Variants in SCFD2 observed in about 807,000 individuals in gnomAD.
SCFD2 encodes the protein sec1 family domain-containing protein 2.
Under a neutral mutation model 58.9 loss-of-function variants are expected in SCFD2, and 54 were observed. The observed-to-expected ratio is 0.92, with a 90% CI of 0.74 to 1.15. The LOEUF is 1.15. Among genes scored for constraint, SCFD2 ranks in the 50% most tolerant of loss-of-function variants. SCFD2 has a pLI of 0.00. For missense variants in SCFD2, 805 were observed against 836.6 expected, an observed-to-expected ratio of 0.96 and a Z score of 0.47; for synonymous variants, 321 against 335.9, an observed-to-expected ratio of 0.96 and a Z score of 0.49.
chr4:52,905,606 A>T (rs1341975725), intron 7 of SCFD2, among the ~76,000 whole-genome samples: 1 of 152,164 alleles, frequency 6.6e-6, no homozygotes, highest in East Asian at 1.9e-4. Context: ...CCTCCCTTTG[A>T]GATCAGTCTT....
chr4:53,016,140 A>C (rs1230082195), intron 5 of SCFD2, among the ~76,000 whole-genome samples: 2 of 152,246 alleles, frequency 1.3e-5, no homozygotes, highest in East Asian at 1.9e-4. Context: ...TTAACCACCA[A>C]CAACAAATGA....
At chr4:53,025,004 A>G (rs187376656) in intron 5 of SCFD2, among the ~76,000 whole-genome samples, 42 of 152,308 alleles carry the variant, frequency 2.8e-4, no homozygotes, top group African/African-American at 9.4e-4. Flanking sequence ...CTATTCACAG[A>G]TAAACAGGGC....
intron 5 of SCFD2, among the ~76,000 whole-genome samples, chr4:53,064,510 G>C (rs563671680): frequency 2.6e-5 from 4 of 152,072 alleles, no homozygotes; most frequent in Non-Finnish European, 4.4e-5. Context: ...CAAAACTACA[G>C]GCAGCATTAC....
intron 5 of SCFD2, among the ~76,000 whole-genome samples, chr4:53,077,209 C>G (rs947792943): frequency 3.9e-5 from 6 of 152,132 alleles, no homozygotes; most frequent in Non-Finnish European, 7.3e-5. Context: ...TCCATTTGAT[C>G]AGCGCATTCA....
At chr4:52,988,015 C>A (rs1721537342) in intron 5 of SCFD2, among the ~76,000 whole-genome samples, 1 of 152,188 alleles carries the variant, frequency 6.6e-6, no homozygotes, top group South Asian at 2.1e-4. Flanking sequence ...GACACCAGCT[C>A]ATTACAGTGT....
At chr4:52,888,131 C>T (rs1195241062) in intron 7 of SCFD2, among the ~76,000 whole-genome samples, 1 of 151,944 alleles carries the variant, frequency 6.6e-6, no homozygotes, top group African/African-American at 2.4e-5. Context: ...AGGATGGTCT[C>T]GATCTCCTGA....
At chr4:52,923,811 C>T (rs1229449497) in intron 5 of SCFD2, among the ~76,000 whole-genome samples, 2 of 152,226 alleles carry the variant, frequency 1.3e-5, no homozygotes, top group Non-Finnish European at 2.9e-5. Flanking sequence ...GTTGGCATCA[C>T]ACTTCAGTTG....
At chr4:53,362,564 A>G (rs1734575322) in intron 1 of SCFD2, among the ~76,000 whole-genome samples, 3 of 152,218 alleles carry the variant, frequency 2.0e-5, no homozygotes, top group Non-Finnish European at 4.4e-5. Context: ...AATAAAACAA[A>G]GGAAGTTTCT....
intron 5 of SCFD2, among the ~76,000 whole-genome samples, chr4:53,036,327 T>C (rs920337628): frequency 2.6e-5 from 4 of 151,672 alleles, no homozygotes; most frequent in African/African-American, 9.7e-5. Context: ...TCTGTCCTTG[T>C]GATAGTTTGC....
rs184727547 is a variant in SCFD2 at position 52,889,119 on chromosome 4, C to T, written c.1843-3253G>A. Among the ~76,000 whole-genome samples the T allele has an allele frequency of 2.6e-5, 4 of 152,342 alleles. No individual in the cohort carries two copies. The East Asian group carries it at 5.8e-4, about 22-fold the overall frequency. On this transcript the variant is annotated intron_variant, in intron 7 of 8. Transcript: ENST00000401642. ...CATTCTACCTACTTAAGGTTATCAA[C>T]ATCTCCTTGATTACTTCCACATTAG...
chr4:52,972,236 G>T (rs1210856259), intron 5 of SCFD2, among the ~76,000 whole-genome samples: 2 of 152,186 alleles, frequency 1.3e-5, no homozygotes, highest in Non-Finnish European at 1.5e-5. Context: ...CGGATAAAGA[G>T]TCAAGACCCA....
chr4:53,260,380 T>G (rs1206490673), intron 4 of SCFD2, among the ~76,000 whole-genome samples: 1 of 152,136 alleles, frequency 6.6e-6, no homozygotes, highest in Non-Finnish European at 1.5e-5. Flanking sequence ...ATGGACAACC[T>G]TTATTACCTT....
At chr4:53,065,682 AT>A (rs1051933695) in intron 5 of SCFD2, among the ~76,000 whole-genome samples, 17 of 151,934 alleles carry the variant, frequency 1.1e-4, no homozygotes, top group African/African-American at 3.1e-4. Flanking sequence ...AAAAATGATA[AT>A]TTTTTTCCCA....
chr4:53,019,436 G>C (rs558417113), intron 5 of SCFD2, among the ~76,000 whole-genome samples: 170 of 152,256 alleles, frequency 1.1e-3, no homozygotes, highest in South Asian at 1.9e-3. Flanking sequence ...ACTAGATGGT[G>C]AGAATAAATT....
chr4:53,094,137 G>A (rs1380990580), intron 5 of SCFD2, among the ~76,000 whole-genome samples: 1 of 152,068 alleles, frequency 6.6e-6, no homozygotes, highest in Non-Finnish European at 1.5e-5. Flanking sequence ...CCTAACTGGT[G>A]AATGGAATTG....
chr4:52,898,461 T>C (rs939038156), intron 7 of SCFD2, among the ~76,000 whole-genome samples: 5 of 152,154 alleles, frequency 3.3e-5, no homozygotes, highest in African/African-American at 1.2e-4. Flanking sequence ...AGCTGAGCGG[T>C]TTTGAGTGAG....
At chr4:53,295,721 C>T (rs888835559) in intron 3 of SCFD2, among the ~76,000 whole-genome samples, 2 of 152,118 alleles carry the variant, frequency 1.3e-5, no homozygotes, top group African/African-American at 4.8e-5. Flanking sequence ...TGTTGGCTTT[C>T]AAAGGAAATG....
intron 4 of SCFD2, among the ~76,000 whole-genome samples, chr4:53,232,475 T>C (rs1729469971): frequency 6.6e-6 from 1 of 152,172 alleles, no homozygotes; most frequent in Admixed American, 6.5e-5. Flanking sequence ...ATTCTTGCAT[T>C]TTATGTTAGG....
intron 5 of SCFD2, chr4:52,956,371 A>G (rs1247592944): frequency 2.6e-6 from 1 of 381,030 alleles, no homozygotes; most frequent in Admixed American, 3.5e-5. Flanking sequence ...GGCAAGTGAC[A>G]GAAATCCAGC....
Sources: allele counts gnomAD v4.1 joint callset (sites outside exome capture counted in the v4.1 genomes callset), GRCh38; gene constraint gnomAD v4.1.1; transcripts MANE v1.5; gene names NCBI Gene and HGNC (gene_info 2026-07-23, HGNC 2026-07-21).